Variants in ZC3H12B observed in about 807,000 individuals in gnomAD.
ZC3H12B encodes probable ribonuclease ZC3H12B.
ZC3H12B carries 7 observed loss-of-function variants against 43.9 expected under a neutral mutation model. The observed-to-expected ratio is 0.16, with a 90% confidence interval of 0.09 to 0.30. ZC3H12B has a LOEUF of 0.30. Among genes scored for constraint, ZC3H12B ranks in the 10% least tolerant of loss-of-function variants. ZC3H12B has a pLI of 1.00. For synonymous variants in ZC3H12B, 222 were observed against 241.7 expected (o/e 0.92, Z 0.76); for missense variants, 475 against 670.2 (o/e 0.71, Z 3.22).
intron 3 of ZC3H12B, among the ~76,000 whole-genome samples, chrX:65,447,945 T>C (rs1300803890): frequency 9.0e-6 from 1 of 111,237 alleles, no homozygotes; most frequent in East Asian, 2.8e-4. Flanking sequence ...ATTGAAAAGT[T>C]AAAAGGGCCG....
In ZC3H12B at chrX:65,434,034, A is replaced by T. The variant is rs59534392; in HGVS notation, n.407+35330A>T. Among the ~76,000 whole-genome samples, 536 of 112,050 alleles carry T rather than the reference A, an allele frequency of 4.8e-3. 4 individuals are homozygous for T. Among genetic ancestry groups the T allele is most frequent in the African/African-American group, 0.016 (504 of 30,862 alleles). On this transcript the variant is annotated intron_variant and non_coding_transcript_variant, in intron 3 of 5. Transcript: ENST00000617377. ...GCCATAGATCCATGTAAGTCACGCT[A>T]TCCTGATTCTTTTTCTGACTCTGAT...
chrX:65,207,611 G>C, the ZC3H12B span, among the ~76,000 whole-genome samples: 4 of 109,006 alleles, frequency 3.7e-5, no homozygotes, highest in Admixed American at 4.0e-4. Context: ...CAGGTAGTGT[G>C]ATGCCTCCAG....
At chrX:65,230,548 A>T in the ZC3H12B span, among the ~76,000 whole-genome samples, 10 of 109,478 alleles carry the variant, frequency 9.1e-5, no homozygotes, top group African/African-American at 3.0e-4. Flanking sequence ...AATTAAAAAA[A>T]ATATACGAAA....
chrX:65,369,373 A>T (rs896232173), intron 2 of ZC3H12B, among the ~76,000 whole-genome samples: 5 of 111,911 alleles, frequency 4.5e-5, no homozygotes, highest in African/African-American at 1.6e-4. Context: ...TTACAAATTA[A>T]AAAACTATCT....
At chrX:65,248,467 C>T in the ZC3H12B span, among the ~76,000 whole-genome samples, 15 of 111,547 alleles carry the variant, frequency 1.3e-4, no homozygotes, top group Admixed American at 1.3e-3. Context: ...ATATTTAGCC[C>T]GGATAGAAAC....
chrX:65,380,939 C>T (rs1047677457), intron 2 of ZC3H12B, among the ~76,000 whole-genome samples: 3 of 111,553 alleles, frequency 2.7e-5, no homozygotes, highest in African/African-American at 6.5e-5. Context: ...AACAGGAGCA[C>T]CCAGATTCAT....
chrX:65,093,023 C>T, the ZC3H12B span, among the ~76,000 whole-genome samples: 2 of 111,846 alleles, frequency 1.8e-5, no homozygotes, highest in African/African-American at 3.3e-5. Flanking sequence ...CTGCCCTGCA[C>T]AGCTTTGGGA....
At chrX:65,172,728 T>C in the ZC3H12B span, among the ~76,000 whole-genome samples, 1 of 112,120 alleles carries the variant, frequency 8.9e-6, no homozygotes. Flanking sequence ...AAAGATCAGA[T>C]TGTTCTAGAT....
intron 3 of ZC3H12B, among the ~76,000 whole-genome samples, chrX:65,411,772 G>T (rs944561337): frequency 9.0e-5 from 9 of 99,555 alleles, no homozygotes; most frequent in Non-Finnish European, 1.7e-4. Flanking sequence ...AGTGTAATTG[G>T]ATTGTTAGTA....
chrX:65,224,786 T>C, the ZC3H12B span, among the ~76,000 whole-genome samples: 29 of 111,803 alleles, frequency 2.6e-4, no homozygotes, highest in African/African-American at 9.4e-4. Flanking sequence ...CACAACAGTC[T>C]GAGATCAAAC....
At chrX:65,483,441 G>A (rs1319620209) in intron 3 of ZC3H12B, among the ~76,000 whole-genome samples, 2 of 111,516 alleles carry the variant, frequency 1.8e-5, no homozygotes, top group Non-Finnish European at 3.8e-5. Context: ...TTTTCATTTT[G>A]AGAATCAGTA....
chrX:65,153,075 A>T, the ZC3H12B span, among the ~76,000 whole-genome samples: 2 of 112,007 alleles, frequency 1.8e-5, no homozygotes, highest in East Asian at 5.6e-4. Flanking sequence ...CTTATACAAA[A>T]ATTAATTCAA....
At chrX:65,450,215 G>T (rs4459008) in intron 3 of ZC3H12B, among the ~76,000 whole-genome samples, 10,466 of 101,390 alleles carry the variant, frequency 0.1, 1,466 homozygotes, top group African/African-American at 0.36. Flanking sequence ...TGAGGCAGGA[G>T]AATTACTTGA....
chrX:65,211,896 T>C, the ZC3H12B span, among the ~76,000 whole-genome samples: 5 of 76,757 alleles, frequency 6.5e-5, no homozygotes, highest in East Asian at 1.6e-3. Flanking sequence ...GTATACTATA[T>C]AATATATATG....
chrX:65,106,083 G>A, the ZC3H12B span, among the ~76,000 whole-genome samples: 2 of 111,505 alleles, frequency 1.8e-5, no homozygotes, highest in Non-Finnish European at 3.8e-5. Flanking sequence ...AACTAATGAG[G>A]TAAAATATAT....
the ZC3H12B span, chrX:65,185,418 G>A: frequency 2.7e-5 from 3 of 112,017 alleles, no homozygotes; most frequent in Non-Finnish European, 5.6e-5. Flanking sequence ...TTAGTAAGCA[G>A]GCTAGGGAAA....
At chrX:65,380,189 G>A (rs1433696166) in intron 2 of ZC3H12B, among the ~76,000 whole-genome samples, 1 of 111,882 alleles carries the variant, frequency 8.9e-6, no homozygotes, top group African/African-American at 3.2e-5. Flanking sequence ...AGGAAAAAAT[G>A]TTAAGGGCAG....
At chrX:65,321,946 T>A in the ZC3H12B span, among the ~76,000 whole-genome samples, 1 of 110,985 alleles carries the variant, frequency 9.0e-6, no homozygotes, top group African/African-American at 3.3e-5. Flanking sequence ...AGGTACCATG[T>A]TTAATACCTG....
chrX:65,467,357 G>A (rs1398188621), intron 3 of ZC3H12B, among the ~76,000 whole-genome samples: 1 of 110,671 alleles, frequency 9.0e-6, no homozygotes, highest in African/African-American at 3.3e-5. Flanking sequence ...ATTTGTTGGT[G>A]GGCACTTATG....
Sources: gnomAD v4.1 joint callset for allele counts (sites outside exome capture counted in the v4.1 genomes callset) on GRCh38, gnomAD v4.1.1 for gene constraint, MANE v1.5 for transcripts, NCBI Gene and HGNC (gene_info 2026-07-23, HGNC 2026-07-21) for gene names.